Variants in PLA2G6 observed in about 807,000 individuals in gnomAD.
The protein encoded by PLA2G6 is 85/88 kDa calcium-independent phospholipase A2.
A neutral mutation model predicts 83.8 loss-of-function variants in PLA2G6; 62 were observed. The ratio of observed to expected loss-of-function variants is 0.74; its 90% CI spans 0.60 to 0.91. The LOEUF is 0.91. PLA2G6 is among the 40% of genes least tolerant of loss of function. The probability of loss-of-function intolerance (pLI) is 0.00; values close to 1 mark genes in which losing one functional copy is unlikely to be tolerated. For missense variants in PLA2G6, 944 were observed against 1,102.0 expected (o/e 0.86, Z 2.03); for synonymous variants, 417 against 449.8 (o/e 0.93, Z 0.92).
chr22:38,145,796 CA>C, intron 2 of PLA2G6, 143 bp from the exon 3 acceptor site: 1 of 625,430 alleles, frequency 1.6e-6, no homozygotes, highest in East Asian at 2.9e-5. Flanking sequence ...CACACACACA[CA>C]CACACACACA....
In PLA2G6 at chr22:38,169,364, T is replaced by C; in HGVS notation, c.63A>G (p.Pro21=). ...CCACAGCCACCTCCTTCACCCGGAA[T>C]GGGTTAGAGAACAAGTTGGTGACGC... ...FSGVTNLFSN[P]FRVKEVAVAD... is the part of the protein sequence containing the mutation. Residue 21 remains proline (P), a synonymous_variant, in exon 2 of 17, where the codon CCA becomes CCG. Transcript: ENST00000332509. The C allele has an allele frequency of 1.2e-6, 2 of 1,614,166 alleles. No individual in the cohort carries two copies. The highest frequency in any genetic ancestry group is 1.1e-5 in the South Asian group (1 of 91,088).
rs748425468 is a variant in PLA2G6 at position 38,133,063 on chromosome 22, G to C, written c.895-50C>G. The C allele has an allele frequency of 2.0e-6, 3 of 1,517,644 alleles. No individual in the cohort carries two copies. In the African/African-American group the frequency reaches 4.1e-5, roughly 21 times the overall value. The allele number at this position is 1,517,644 out of a possible 1,614,324, so 94.0% of individuals were successfully genotyped here. ...TAGCACAGGCACTCGGGGAGCTGCC[G>C]CACCCCGGGACACGTGGGCACTGCC... On this transcript the variant is annotated intron_variant, in intron 6 of 16. Transcript: ENST00000332509.
chr22:38,147,918 C>T (rs1448603426), intron 2 of PLA2G6: 2 of 154,826 alleles, frequency 1.3e-5, no homozygotes, highest in African/African-American at 2.4e-5. Context: ...TAAGGAAGTA[C>T]ATTAAATAAA....
rs202123423 is a variant in PLA2G6, at chr22:38,128,351, G to A, written c.1266C>T (p.Pro422=). 90 of 1,613,690 alleles carry A rather than the reference G, an allele frequency of 5.6e-5. No individual in the cohort carries two copies. The highest frequency in any genetic ancestry group is 2.1e-4 in the African/African-American group (16 of 74,912). ...EYCFPPIHGV[P]AEQGSAAPHH... is the part of the protein sequence containing the mutation. ...GTGGCGCTGCAGAGCCCTGCTCCGCGGGGACCCCGTGGATGGGTGGGAAGC... is the reference window on the plus strand; with the variant it reads ...GTGGCGCTGCAGAGCCCTGCTCCGCAGGGACCCCGTGGATGGGTGGGAAGC... The change falls in exon 9 of 17, where the codon CCC becomes CCT. Residue 422 remains proline, a synonymous_variant. Transcript: ENST00000332509. This position sits in a 1 kb window ranked among gnomAD's most constrained non-coding sequence, Gnocchi z 4.4.
chr22:38,130,094 G>A (rs1343869843), intron 7 of PLA2G6: 4 of 242,864 alleles, frequency 1.6e-5, no homozygotes, highest in African/African-American at 4.4e-5. Context: ...GGGCAGGGGC[G>A]CAGAGCATGG....
intron 15 of PLA2G6, 24 bp from the exon 16 acceptor site, chr22:38,112,601 G>C (rs2086940975): frequency 1.9e-6 from 3 of 1,544,162 alleles, no homozygotes; most frequent in African/African-American, 1.4e-5. Context: ...GCCTTGGTGA[G>C]TGCCGGGCCC....
intron 15 of PLA2G6, 144 bp downstream of exon 15, chr22:38,113,341 ACT>A: frequency 1.2e-6 from 1 of 809,766 alleles, no homozygotes; most frequent in Admixed American, 1.9e-5. Flanking sequence ...TGAACTGTGG[ACT>A]CTCTCTCCCT....
At chr22:38,134,268 A>T (rs1243831609) in intron 6 of PLA2G6, 1 of 152,430 alleles carries the variant, frequency 6.6e-6, no homozygotes, top group African/African-American at 2.4e-5. Flanking sequence ...CTCCTTAATA[A>T]ATCCCCCTTT....
chr22:38,170,432 G>A (rs1224185305), intron 1 of PLA2G6, among the ~76,000 whole-genome samples: 2 of 151,952 alleles, frequency 1.3e-5, no homozygotes, highest in Admixed American at 1.3e-4. Flanking sequence ...TGCACCTTCT[G>A]CAGGGGCAGG....
At chr22:38,136,669 A>G (rs2088570620) in intron 5 of PLA2G6, 1 of 152,040 alleles carries the variant, frequency 6.6e-6, no homozygotes, top group African/African-American at 2.4e-5. Flanking sequence ...AAAAATAAAC[A>G]TAATATATCA....
intron 4 of PLA2G6, chr22:38,140,765 C>A: frequency 6.6e-6 from 1 of 152,144 alleles, no homozygotes; most frequent in Non-Finnish European, 1.5e-5. Context: ...AAAAGAGAGC[C>A]AGGGGCCAGG....
chr22:38,115,726 C>T (rs999011583), intron 13 of PLA2G6, 45 bp from the exon 14 acceptor site: 16 of 1,561,408 alleles, frequency 1.0e-5, no homozygotes, highest in Non-Finnish European at 1.4e-5. Context: ...AAGGGACTGG[C>T]ATAAAACCCA....
chr22:38,122,573 G>A (rs1374183207), intron 11 of PLA2G6, among the ~76,000 whole-genome samples: 1 of 152,134 alleles, frequency 6.6e-6, no homozygotes, highest in South Asian at 2.1e-4. Flanking sequence ...CCAGCCCAGC[G>A]ACCCCATGGA....
In PLA2G6 at chr22:38,160,718, A is replaced by G. The variant is rs575258332; in HGVS notation, c.209+8500T>C. On this transcript the variant is annotated intron_variant, in intron 2 of 16. Transcript: ENST00000332509. ...AAATTAGCCGGGCGTGGTGGCGGGC[A>G]CCTGTAGTCCCAGCTACTCAGGAGG... 2.1e-3 allele frequency among the ~76,000 whole-genome samples: 325 copies of G among 152,094 alleles called. 5 individuals are homozygous for G. The highest frequency in any genetic ancestry group is 7.6e-3 in the African/African-American group (315 of 41,480).
At chr22:38,117,564 G>C (rs2087282349) in intron 12 of PLA2G6, among the ~76,000 whole-genome samples, 1 of 152,192 alleles carries the variant, frequency 6.6e-6, no homozygotes. Flanking sequence ...ACCAGTAAGA[G>C]AGAGTAGGCC....
At chr22:38,160,722 G>A (rs1266775291) in intron 2 of PLA2G6, among the ~76,000 whole-genome samples, 1 of 152,150 alleles carries the variant, frequency 6.6e-6, no homozygotes, top group Non-Finnish European at 1.5e-5. Flanking sequence ...GCGGGCACCT[G>A]TAGTCCCAGC....
At chr22:38,179,783 T>G (rs1016872946) in intron 1 of PLA2G6, among the ~76,000 whole-genome samples, 9 of 151,796 alleles carry the variant, frequency 5.9e-5, no homozygotes, top group African/African-American at 1.7e-4. Flanking sequence ...AAAAAATAAA[T>G]AAATCAATAA....
chr22:38,124,538 C>G (rs1427066934), intron 10 of PLA2G6, among the ~76,000 whole-genome samples: 1 of 152,154 alleles, frequency 6.6e-6, no homozygotes, highest in Non-Finnish European at 1.5e-5. Flanking sequence ...CCCATCTCAG[C>G]TTGATGAAGC....
chr22:38,173,799 C>T (rs1367355933), intron 1 of PLA2G6, among the ~76,000 whole-genome samples: 1 of 152,140 alleles, frequency 6.6e-6, no homozygotes, highest in Non-Finnish European at 1.5e-5. Flanking sequence ...CCTGTAATTC[C>T]AGCATTTTGG....
Sources: gnomAD v4.1 joint callset for allele counts (sites outside exome capture counted in the v4.1 genomes callset) on GRCh38, gnomAD v4.1.1 for gene constraint, Gnocchi (gnomAD v3.1) non-coding constraint, MANE v1.5 for transcripts, NCBI Gene and HGNC (gene_info 2026-07-23, HGNC 2026-07-21) for gene names.